The following FRAS1 variants were observed in gnomAD, a reference collection of about 807,000 sequenced individuals.
FRAS1 encodes Fraser extracellular matrix complex subunit 1, also known as extracellular matrix organizing protein FRAS1.
Under a neutral mutation model 435.2 loss-of-function variants are expected in FRAS1, and 290 were observed. That is an observed-to-expected ratio of 0.67 (90% CI 0.61 to 0.73). The LOEUF (loss-of-function observed/expected upper bound fraction) is 0.73. Among genes scored for constraint, FRAS1 ranks in the 30% least tolerant of loss-of-function variants. FRAS1 has a pLI of 0.00. For missense variants in FRAS1, 4,860 were observed against 5,001.5 expected (o/e 0.97, Z 0.85); for synonymous variants, 1,800 against 1,851.0 (o/e 0.97, Z 0.71).
chr4:78,097,682 C>T (rs113741360), intron 2 of FRAS1, among the ~76,000 whole-genome samples: 2,363 of 152,242 alleles, frequency 0.016, 24 homozygotes, highest in Non-Finnish European at 0.023. Flanking sequence ...CATGGAAAGA[C>T]CTGCCCCCAT....
At chr4:78,126,163 C>T (rs753515721) in intron 2 of FRAS1, among the ~76,000 whole-genome samples, 5 of 152,208 alleles carry the variant, frequency 3.3e-5, no homozygotes, top group Non-Finnish European at 7.3e-5. Context: ...CAGACTGCTG[C>T]ACTAGCAGTG....
intron 14 of FRAS1, among the ~76,000 whole-genome samples, chr4:78,287,661 G>A (rs1727674859): frequency 6.6e-6 from 1 of 152,300 alleles, no homozygotes; most frequent in East Asian, 1.9e-4. Flanking sequence ...GCAGGAAAAT[G>A]ATTGAGGTTA....
rs867934126 is a variant in FRAS1, at chr4:78,058,079, T to C, written c.70T>C (p.Ser24Pro). The change falls in exon 1 of 74, where the codon TCC (serine) becomes CCC (proline). Residue 24 changes from serine (S) to proline (P), a missense_variant. Transcript: ENST00000512123. ...GGAATTTGCAGTATTGCCTCATCATTCCGAAGGTGAGAGAGCGGTGCCGCG... is the reference window on the plus strand; with the variant it reads ...GGAATTTGCAGTATTGCCTCATCATCCCGAAGGTGAGAGAGCGGTGCCGCG... ...LAEFAVLPHH[S>P]EGACVYQDSL... 2 of 1,613,320 alleles carry C rather than the reference T, an allele frequency of 1.2e-6. No individual in the cohort carries two copies. The highest frequency in any genetic ancestry group is 3.3e-4 in the Middle Eastern group (2 of 6,060).
chr4:78,504,779 G>T (rs1271602762), intron 61 of FRAS1, among the ~76,000 whole-genome samples: 1 of 152,134 alleles, frequency 6.6e-6, no homozygotes, highest in Admixed American at 6.5e-5. Context: ...GATATTAGCT[G>T]GTTATTTTGC....
intron 20 of FRAS1, among the ~76,000 whole-genome samples, chr4:78,343,670 T>G: frequency 6.6e-6 from 1 of 152,196 alleles, no homozygotes; most frequent in Admixed American, 6.5e-5. Flanking sequence ...GTAAAATTGC[T>G]CAAATTTAAA....
At chr4:78,343,668 G>C (rs1347727973) in intron 20 of FRAS1, among the ~76,000 whole-genome samples, 2 of 152,144 alleles carry the variant, frequency 1.3e-5, no homozygotes, top group Non-Finnish European at 2.9e-5. Context: ...AAGTAAAATT[G>C]CTCAAATTTA....
chr4:78,262,263 T>C (rs1006462999), intron 6 of FRAS1, among the ~76,000 whole-genome samples: 1 of 152,196 alleles, frequency 6.6e-6, no homozygotes, highest in African/African-American at 2.4e-5. Context: ...GGCACTCTCC[T>C]TCCTCACTGC....
At chr4:78,231,449 T>C (rs1276584369) in intron 2 of FRAS1, among the ~76,000 whole-genome samples, 1 of 152,086 alleles carries the variant, frequency 6.6e-6, no homozygotes, top group African/African-American at 2.4e-5. Flanking sequence ...TCTATGCACA[T>C]AGATATATTT....
Position 78,169,021 on chromosome 4 carries a change from T to A in FRAS1, c.109-68489T>A, listed in dbSNP as rs549583877. ...TGGGAAATTTAGGTGCAGATTGTGA[T>A]CCGGGCTGGGATTGCTGCATCCAGT... is the stretch of plus-strand genomic sequence containing the variant. On this transcript the variant is annotated intron_variant, in intron 2 of 73. Coordinates refer to ENST00000512123, the MANE Select transcript of FRAS1 (RefSeq NM_025074.7). 2.6e-5 allele frequency among the ~76,000 whole-genome samples: 4 copies of A among 152,200 alleles called. No individual in the cohort carries two copies. The South Asian group carries it at 8.3e-4, about 32-fold the overall frequency.
At chr4:78,486,804 A>G (rs1031401341) in intron 58 of FRAS1, among the ~76,000 whole-genome samples, 15 of 146,754 alleles carry the variant, frequency 1.0e-4, no homozygotes, top group African/African-American at 3.8e-4. Context: ...AGATGTGTCC[A>G]CTGCCTTTTC....
At chr4:78,223,485 T>G (rs1239723117) in intron 2 of FRAS1, among the ~76,000 whole-genome samples, 1 of 152,178 alleles carries the variant, frequency 6.6e-6, no homozygotes, top group African/African-American at 2.4e-5. Context: ...TTGATCATCT[T>G]GGTGGTTTTG....
chr4:78,530,622 C>G (rs1263343625), intron 70 of FRAS1, among the ~76,000 whole-genome samples: 1 of 152,100 alleles, frequency 6.6e-6, no homozygotes, highest in African/African-American at 2.4e-5. Flanking sequence ...TTGTTTTTAT[C>G]AGGTTTTTCA....
At chr4:78,176,047 C>G (rs1578167767) in intron 2 of FRAS1, among the ~76,000 whole-genome samples, 1 of 152,300 alleles carries the variant, frequency 6.6e-6, no homozygotes, top group East Asian at 1.9e-4. Context: ...TCAAATACTA[C>G]TTTGACTATC....
intron 45 of FRAS1, among the ~76,000 whole-genome samples, chr4:78,450,974 C>T (rs1224174552): frequency 2.1e-5 from 3 of 145,824 alleles, no homozygotes; most frequent in Non-Finnish European, 4.4e-5. Context: ...GAAATATACC[C>T]CTGCGGATAA....
intron 6 of FRAS1, among the ~76,000 whole-genome samples, chr4:78,259,026 G>A (rs1260763568): frequency 6.0e-5 from 8 of 132,570 alleles, no homozygotes; most frequent in African/African-American, 2.3e-4. Flanking sequence ...CCCCTACAAA[G>A]GACATGAACT....
chr4:78,267,514 C>T (rs1339888603), intron 9 of FRAS1, 82 bp downstream of exon 9: 2 of 1,324,452 alleles, frequency 1.5e-6, no homozygotes, highest in South Asian at 1.4e-5. Context: ...TTCTTTACTT[C>T]TTGGCAGCAG....
chr4:78,166,143 G>A (rs1721323516), intron 2 of FRAS1, among the ~76,000 whole-genome samples: 1 of 152,228 alleles, frequency 6.6e-6, no homozygotes, highest in African/African-American at 2.4e-5. Context: ...TACAGTAGAG[G>A]AAAATAACCT....
At chr4:78,316,367 C>G (rs1321181873) in intron 16 of FRAS1, among the ~76,000 whole-genome samples, 2 of 152,164 alleles carry the variant, frequency 1.3e-5, no homozygotes, top group East Asian at 3.9e-4. Context: ...GAAACATATG[C>G]CCACATCCTC....
intron 14 of FRAS1, among the ~76,000 whole-genome samples, chr4:78,297,382 T>C (rs1397754508): frequency 1.3e-5 from 2 of 152,116 alleles, no homozygotes; most frequent in Admixed American, 6.6e-5. Flanking sequence ...TTGTGGAAAA[T>C]AAGGTGCTTA....
Sources: allele counts gnomAD v4.1 joint callset (sites outside exome capture counted in the v4.1 genomes callset), GRCh38; gene constraint gnomAD v4.1.1; transcripts MANE v1.5; gene names NCBI Gene and HGNC (gene_info 2026-07-23, HGNC 2026-07-21).